ZSCAN25: variants seen among roughly 807,000 people sequenced by gnomAD.
ZSCAN25 encodes the protein zinc finger and SCAN domain-containing protein 25.
Under a neutral mutation model 38.7 loss-of-function variants are expected in ZSCAN25, and 27 were observed. That is an observed-to-expected ratio of 0.70 (90% CI 0.51 to 0.96). The LOEUF is 0.96. Among genes scored for constraint, ZSCAN25 ranks in the 40% least tolerant of loss-of-function variants. The pLI is 0.00. For missense variants in ZSCAN25, 637 were observed against 705.9 expected (o/e 0.90, Z 1.11); for synonymous variants, 273 against 277.7 (o/e 0.98, Z 0.17).
the ZSCAN25 span, among the ~76,000 whole-genome samples, chr7:99,687,042 C>T: frequency 1.3e-5 from 2 of 151,858 alleles, no homozygotes. Context: ...TCATCAAAGA[C>T]CAAAAGTAGA....
At chr7:99,695,797 A>C in the ZSCAN25 span, 1 of 1,613,822 alleles carries the variant, frequency 6.2e-7, no homozygotes, top group South Asian at 1.1e-5. Flanking sequence ...TGGGCCCTGG[A>C]ATGCCAAGCT....
At chr7:99,716,045 C>G in the ZSCAN25 span, 3 of 1,529,174 alleles carry the variant, frequency 2.0e-6, no homozygotes, top group Non-Finnish European at 2.7e-6. Flanking sequence ...TGGAGCATCT[C>G]CCATCACACT....
At chr7:99,632,693 A>T (rs561182704), downstream of ZSCAN25, among the ~76,000 whole-genome samples, 3 of 152,278 alleles carry the variant, frequency 2.0e-5, no homozygotes, top group African/African-American at 7.2e-5. Flanking sequence ...CAGGAGGCTG[A>T]GGCTGGGCAT....
At chr7:99,658,391 A>T in the ZSCAN25 span, among the ~76,000 whole-genome samples, 1 of 152,148 alleles carries the variant, frequency 6.6e-6, no homozygotes, top group Non-Finnish European at 1.5e-5. Context: ...CTTTTCTTTA[A>T]GAATGTTGAA....
At chr7:99,727,113 G>C in the ZSCAN25 span, among the ~76,000 whole-genome samples, 1 of 152,112 alleles carries the variant, frequency 6.6e-6, no homozygotes, top group African/African-American at 2.4e-5. Flanking sequence ...GACAGCTCTA[G>C]AGGCTGTTCC....
At chr7:99,647,501 A>C in the ZSCAN25 span, 1 of 985,432 alleles carries the variant, frequency 1.0e-6, no homozygotes, top group Non-Finnish European at 1.2e-6. Flanking sequence ...TTGGGAGGTG[A>C]AGATGGAATG....
chr7:99,646,180 T>A, the ZSCAN25 span, among the ~76,000 whole-genome samples: 1 of 152,252 alleles, frequency 6.6e-6, no homozygotes, highest in Admixed American at 6.5e-5. Flanking sequence ...GGGATTGCAT[T>A]GAATCCATAT....
chr7:99,628,444 C>T (rs973907121), intron 7 of ZSCAN25, among the ~76,000 whole-genome samples: 9 of 151,922 alleles, frequency 5.9e-5, no homozygotes, highest in African/African-American at 9.7e-5. Flanking sequence ...ACACCTGTTC[C>T]GTTAATTTAG....
the ZSCAN25 span, among the ~76,000 whole-genome samples, chr7:99,647,189 GGC>G: frequency 1.3e-5 from 2 of 152,184 alleles, no homozygotes; most frequent in Admixed American, 1.3e-4. Flanking sequence ...TGCTCTTGAA[GGC>G]CACACCTCTG....
the ZSCAN25 span, chr7:99,720,369 C>A: frequency 1.2e-6 from 2 of 1,613,704 alleles, no homozygotes; most frequent in African/African-American, 2.7e-5. Flanking sequence ...TTGATCATGT[C>A]GGGATCTGTG....
the ZSCAN25 span, among the ~76,000 whole-genome samples, chr7:99,729,119 T>G: frequency 2.0e-5 from 3 of 152,218 alleles, no homozygotes; most frequent in Non-Finnish European, 4.4e-5. Context: ...GGACACTTTC[T>G]AACTGGGTGT....
At chr7:99,637,442 G>GA in the ZSCAN25 span, among the ~76,000 whole-genome samples, 3 of 151,054 alleles carry the variant, frequency 2.0e-5, no homozygotes, top group Non-Finnish European at 4.4e-5. Flanking sequence ...CTTTGCAGTG[G>GA]AAAAAAAAAG....
chr7:99,645,050 G>C, the ZSCAN25 span, among the ~76,000 whole-genome samples: 5 of 152,152 alleles, frequency 3.3e-5, no homozygotes, highest in Non-Finnish European at 7.4e-5. Flanking sequence ...GAGTGCAATG[G>C]CGCGATCTTG....
the ZSCAN25 span, among the ~76,000 whole-genome samples, chr7:99,717,017 C>T: frequency 6.6e-6 from 1 of 152,218 alleles, no homozygotes; most frequent in Non-Finnish European, 1.5e-5. Flanking sequence ...ACCTCCTCAT[C>T]GGAGCTGCCC....
the ZSCAN25 span, among the ~76,000 whole-genome samples, chr7:99,732,643 G>A: frequency 1.1e-3 from 174 of 152,258 alleles, no homozygotes; most frequent in Non-Finnish European, 1.6e-3. Context: ...CTGAGGGGTG[G>A]AAGACTGGAT....
At chr7:99,732,020 A>G in the ZSCAN25 span, among the ~76,000 whole-genome samples, 4 of 152,166 alleles carry the variant, frequency 2.6e-5, no homozygotes, top group Non-Finnish European at 5.9e-5. Context: ...CAGTGATATG[A>G]TCTGAATCTG....
the ZSCAN25 span, chr7:99,672,815 T>C: frequency 6.0e-6 from 9 of 1,498,096 alleles, no homozygotes; most frequent in African/African-American, 1.3e-4. Flanking sequence ...CAACCTTAGG[T>C]TCTAGTTCAT....
the ZSCAN25 span, among the ~76,000 whole-genome samples, chr7:99,710,112 C>G: frequency 6.6e-6 from 1 of 152,132 alleles, no homozygotes. Flanking sequence ...CACACAAAGA[C>G]CAGCCCAAAA....
At chr7:99,637,435 T>A in the ZSCAN25 span, among the ~76,000 whole-genome samples, 4 of 152,074 alleles carry the variant, frequency 2.6e-5, no homozygotes, top group African/African-American at 9.7e-5. Context: ...GTGACTACTT[T>A]GCAGTGGAAA....
Sources: gnomAD v4.1 joint callset for allele counts (sites outside exome capture counted in the v4.1 genomes callset) on GRCh38, gnomAD v4.1.1 for gene constraint, MANE v1.5 for transcripts, NCBI Gene and HGNC (gene_info 2026-07-23, HGNC 2026-07-21) for gene names.